Variants in TULP4 observed in about 807,000 individuals in gnomAD.
TULP4 encodes the protein tubby-related protein 4.
TULP4 carries 16 observed loss-of-function variants against 129.0 expected under a neutral mutation model. The ratio of observed to expected loss-of-function variants is 0.12; its 90% CI spans 0.08 to 0.19. The LOEUF is 0.19. Among genes scored for constraint, TULP4 ranks in the 10% least tolerant of loss-of-function variants. The pLI is 1.00. For missense variants in TULP4, 1,842 were observed against 2,059.1 expected, an observed-to-expected ratio of 0.89 and a Z score of 2.04; for synonymous variants, 998 against 854.0, an observed-to-expected ratio of 1.17 and a Z score of -2.94.
chr6:158,492,044 G>C (rs751490947), intron 9 of TULP4, among the ~76,000 whole-genome samples: 2 of 151,746 alleles, frequency 1.3e-5, no homozygotes, highest in Non-Finnish European at 2.9e-5. Context: ...TTTTTTAGTA[G>C]AGATGGGGTT....
chr6:158,433,457 G>A (rs1268186455), intron 3 of TULP4, among the ~76,000 whole-genome samples: 4 of 152,218 alleles, frequency 2.6e-5, no homozygotes, highest in East Asian at 3.9e-4. Context: ...GCTCACGCCT[G>A]TAATCCCAAC....
At chr6:158,237,470 G>C in intron 1 of TULP4, 1 of 1,539,504 alleles carries the variant, frequency 6.5e-7, no homozygotes, top group Non-Finnish European at 9.0e-7. Flanking sequence ...GCACTGCCAG[G>C]TCTTGGGGAG....
chr6:158,336,128 A>G (rs182066793), intron 1 of TULP4, among the ~76,000 whole-genome samples: 28 of 152,358 alleles, frequency 1.8e-4, no homozygotes, highest in Admixed American at 1.6e-3. Flanking sequence ...ATTGTTGCCA[A>G]TATGGTAGAA....
At chr6:158,312,141 A>C (rs1419433929), upstream of TULP4, 1 of 398,180 alleles carries the variant, frequency 2.5e-6, no homozygotes, top group African/African-American at 2.1e-5. Context: ...GCAGTTGAAG[A>C]GTGTGTGTCT....
intron 7 of TULP4, among the ~76,000 whole-genome samples, 194 bp from the exon 8 acceptor site, chr6:158,480,861 G>A (rs1407932357): frequency 6.6e-6 from 1 of 152,162 alleles, no homozygotes. Context: ...AAGCTTGCAG[G>A]AGATTCTCAC....
At chr6:158,381,794 A>G (rs1777331677) in intron 1 of TULP4, among the ~76,000 whole-genome samples, 2 of 152,236 alleles carry the variant, frequency 1.3e-5, no homozygotes, top group African/African-American at 4.8e-5. Flanking sequence ...AAAAGCTCAA[A>G]TTATGAATAC....
At chr6:158,347,771 C>G (rs527475949) in intron 1 of TULP4, among the ~76,000 whole-genome samples, 3 of 152,330 alleles carry the variant, frequency 2.0e-5, no homozygotes, top group African/African-American at 7.2e-5. Flanking sequence ...GTGACTTCCT[C>G]CGGCCTTCCC....
chr6:158,442,878 A>C (rs1284840730), intron 3 of TULP4, among the ~76,000 whole-genome samples: 1 of 150,638 alleles, frequency 6.6e-6, no homozygotes, highest in Admixed American at 6.6e-5. Context: ...CAATGGCGCT[A>C]TCTCTGCTCA....
At chr6:158,243,743 C>T (rs1777970107) in intron 1 of TULP4, among the ~76,000 whole-genome samples, 1 of 151,700 alleles carries the variant, frequency 6.6e-6, no homozygotes, top group African/African-American at 2.4e-5. Flanking sequence ...TTCTTTCTTT[C>T]TTTTTGTGAT....
intron 3 of TULP4, among the ~76,000 whole-genome samples, chr6:158,430,408 G>A (rs1193605881): frequency 2.0e-5 from 3 of 152,150 alleles, no homozygotes; most frequent in African/African-American, 7.2e-5. Flanking sequence ...TGACTTTCAT[G>A]AGAAAATAAC....
intron 6 of TULP4, among the ~76,000 whole-genome samples, chr6:158,465,353 G>A (rs766749885): frequency 2.6e-5 from 4 of 152,194 alleles, no homozygotes; most frequent in Admixed American, 6.5e-5. Context: ...TTTTAAGGCT[G>A]AATAATATTT....
At chr6:158,472,421 C>CT (rs1218225456) in intron 6 of TULP4, among the ~76,000 whole-genome samples, 1 of 152,064 alleles carries the variant, frequency 6.6e-6, no homozygotes, top group Non-Finnish European at 1.5e-5. Flanking sequence ...ATTATTGATT[C>CT]TTTTTTTCAT....
chr6:158,288,988 T>C (rs1012343061), intron 1 of TULP4, among the ~76,000 whole-genome samples: 3 of 152,252 alleles, frequency 2.0e-5, no homozygotes, highest in Non-Finnish European at 4.4e-5. Flanking sequence ...TGATTGAGTT[T>C]GTGTAATACT....
chr6:158,348,724 C>T (rs1036975213), intron 1 of TULP4, among the ~76,000 whole-genome samples: 30 of 151,904 alleles, frequency 2.0e-4, no homozygotes, highest in Non-Finnish European at 4.0e-4. Context: ...CCAGATGGGG[C>T]GGCTGGGCAG....
At chr6:158,495,110 T>C (rs1318201307) in intron 11 of TULP4, among the ~76,000 whole-genome samples, 1 of 151,952 alleles carries the variant, frequency 6.6e-6, no homozygotes, top group Non-Finnish European at 1.5e-5. Context: ...GGCTGGAGTA[T>C]AGTGACACGA....
chr6:158,502,684 C>A lies in TULP4; in HGVS notation c.3021C>A (p.Ala1007=). 1.3e-6 allele frequency: 2 copies of A among 1,555,392 alleles called. No homozygotes were observed. The highest frequency in any genetic ancestry group is 1.7e-6 in the Non-Finnish European group (2 of 1,156,104). The stretch of plus-strand genomic sequence containing the variant: ...CCCAGCTGGCCGACAGCCCGCGGGC[C>A]CCCCTGCAGCCCCTGGCCAAGTCCA... ...KMAQLADSPR[A]PLQPLAKSKG... is the part of the protein sequence containing the mutation. The change falls in exon 13 of 14, where the codon GCC becomes GCA. Residue 1007 remains alanine, a synonymous_variant. Transcript: ENST00000367097.
intron 1 of TULP4, among the ~76,000 whole-genome samples, chr6:158,253,763 G>A (rs1220808199): frequency 6.6e-6 from 1 of 152,186 alleles, no homozygotes; most frequent in African/African-American, 2.4e-5. Context: ...TGCCGAGCAT[G>A]GTGGCTCATG....
chr6:158,320,909 A>G (rs1332919516), intron 1 of TULP4, among the ~76,000 whole-genome samples: 1 of 152,130 alleles, frequency 6.6e-6, no homozygotes, highest in African/African-American at 2.4e-5. Context: ...CACTTAACAG[A>G]CTTCTCTGGT....
chr6:158,240,057 C>A (rs1390040229), intron 1 of TULP4, among the ~76,000 whole-genome samples: 2 of 109,994 alleles, frequency 1.8e-5, no homozygotes, highest in Non-Finnish European at 4.1e-5. Context: ...CCCCCCACCT[C>A]CCTCCCGGAC....
Sources: allele counts gnomAD v4.1 joint callset (sites outside exome capture counted in the v4.1 genomes callset), GRCh38; gene constraint gnomAD v4.1.1; transcripts MANE v1.5; gene names NCBI Gene and HGNC (gene_info 2026-07-23, HGNC 2026-07-21).